The following UBE2L3 variants were observed in gnomAD, a reference collection of about 807,000 sequenced individuals.
UBE2L3 encodes the protein ubiquitin-conjugating enzyme E2 L3.
A neutral mutation model predicts 17.8 loss-of-function variants in UBE2L3; 1 was observed. The observed-to-expected ratio is 0.06, with a 90% CI of 0.02 to 0.27. The LOEUF (loss-of-function observed/expected upper bound fraction) is 0.27. Among genes scored for constraint, UBE2L3 ranks in the 10% least tolerant of loss-of-function variants. UBE2L3 has a pLI of 1.00. For synonymous variants in UBE2L3, 44 were observed against 68.5 expected, an observed-to-expected ratio of 0.64 and a Z score of 1.76; for missense variants, 40 against 192.6, an observed-to-expected ratio of 0.21 and a Z score of 4.69.
chr22:21,595,242 C>T (rs542943191), intron 2 of UBE2L3, among the ~76,000 whole-genome samples: 1 of 152,372 alleles, frequency 6.6e-6, no homozygotes, highest in South Asian at 2.1e-4. Flanking sequence ...GGTCCTCTCC[C>T]TTGCTTTCTT....
At chr22:21,556,621 T>G (rs1263407636) in intron 1 of UBE2L3, among the ~76,000 whole-genome samples, 1 of 141,516 alleles carries the variant, frequency 7.1e-6, no homozygotes, top group East Asian at 1.9e-4. Context: ...TTTCTTTTTT[T>G]TTTTTGTATT....
At chr22:21,594,859 A>C (rs1177559546) in intron 2 of UBE2L3, among the ~76,000 whole-genome samples, 1 of 152,338 alleles carries the variant, frequency 6.6e-6, no homozygotes, top group African/African-American at 2.4e-5. Context: ...TCTACTGAGC[A>C]AAGAAATGAA....
chr22:21,609,713 G>A lies in UBE2L3; in HGVS notation c.124-1144G>A, dbSNP rs5998662. Among the ~76,000 whole-genome samples the A allele has an allele frequency of 6.0e-3, 901 of 151,168 alleles. 6 individuals are homozygous for A. Among genetic ancestry groups the A allele is most frequent in the African/African-American group, 0.021 (844 of 40,938 alleles). ...GCAAGACCCTGTCAAAAATAAATAAGTAAGTATGAAGTGGGGGAAAAACAA... is the reference window on the plus strand; with the variant it reads ...GCAAGACCCTGTCAAAAATAAATAAATAAGTATGAAGTGGGGGAAAAACAA... On this transcript the variant is annotated intron_variant, in intron 2 of 3. Coordinates refer to ENST00000342192, the MANE Select transcript of UBE2L3 (RefSeq NM_003347.4).
At chr22:21,566,075 C>T (rs1385703254), upstream of UBE2L3, among the ~76,000 whole-genome samples, 4 of 150,638 alleles carry the variant, frequency 2.7e-5, no homozygotes, top group African/African-American at 7.3e-5. Flanking sequence ...CAGGTTCAAG[C>T]GATTCTCCTG....
chr22:21,616,752 C>T (rs738129), intron 3 of UBE2L3, among the ~76,000 whole-genome samples: 46,574 of 151,350 alleles, frequency 0.31, 8,267 homozygotes, highest in East Asian at 0.5. Context: ...CACCCCCCCC[C>T]TTTTTTTAAA....
intron 1 of UBE2L3, among the ~76,000 whole-genome samples, chr22:21,571,752 C>T (rs759951870): frequency 6.6e-6 from 1 of 152,152 alleles, no homozygotes; most frequent in Non-Finnish European, 1.5e-5. Flanking sequence ...TATATTTTCT[C>T]CCAGTTCATA....
intron 1 of UBE2L3, among the ~76,000 whole-genome samples, chr22:21,588,400 G>A (rs1928064816): frequency 6.6e-6 from 1 of 151,516 alleles, no homozygotes; most frequent in Admixed American, 6.6e-5. Context: ...GAGTCATCTG[G>A]CCTTTTGAGT....
chr22:21,582,151 A>T (rs922145910), intron 1 of UBE2L3, among the ~76,000 whole-genome samples: 6 of 150,834 alleles, frequency 4.0e-5, no homozygotes, highest in African/African-American at 1.2e-4. Flanking sequence ...AACAAAAAAA[A>T]AAACAGTTCA....
chr22:21,563,890 A>C (rs1329414898), upstream of UBE2L3, among the ~76,000 whole-genome samples: 1 of 151,502 alleles, frequency 6.6e-6, no homozygotes, highest in Admixed American at 6.6e-5. Flanking sequence ...ATTTTTGTAG[A>C]TATGGTAGTC....
At chr22:21,601,162 C>G (rs1010763468) in intron 2 of UBE2L3, among the ~76,000 whole-genome samples, 5 of 152,022 alleles carry the variant, frequency 3.3e-5, no homozygotes, top group Non-Finnish European at 5.9e-5. Flanking sequence ...CAGAGCGAGA[C>G]TCTTTCAAAG....
chr22:21,579,869 T>C (rs1237854350), intron 1 of UBE2L3, among the ~76,000 whole-genome samples: 4 of 152,228 alleles, frequency 2.6e-5, no homozygotes, highest in Non-Finnish European at 4.4e-5. Context: ...TTTACTTTGA[T>C]AGACCAGTTA....
chr22:21,563,985 T>A (rs1926545724), upstream of UBE2L3, among the ~76,000 whole-genome samples: 1 of 151,754 alleles, frequency 6.6e-6, no homozygotes, highest in South Asian at 2.1e-4. Flanking sequence ...GGATTATAGG[T>A]GTGAGACTGT....
chr22:21,562,151 G>A (rs1568966320), intron 1 of UBE2L3, among the ~76,000 whole-genome samples: 1 of 150,118 alleles, frequency 6.7e-6, no homozygotes, highest in Admixed American at 6.6e-5. Flanking sequence ...TCAAGATGCT[G>A]TGAGCTCCTT....
At chr22:21,614,401 G>A (rs1035121761) in intron 3 of UBE2L3, among the ~76,000 whole-genome samples, 3 of 151,398 alleles carry the variant, frequency 2.0e-5, no homozygotes, top group African/African-American at 4.9e-5. Flanking sequence ...ACCAGCCTGA[G>A]GAACATGGTG....
chr22:21,567,830 C>T, intron 1 of UBE2L3, 59 bp downstream of exon 1: 2 of 1,557,808 alleles, frequency 1.3e-6, no homozygotes, highest in Admixed American at 2.0e-5. Context: ...CTCCGGATCC[C>T]CGAGGCAGGC....
At chr22:21,607,121 C>T (rs1384647211) in intron 2 of UBE2L3, among the ~76,000 whole-genome samples, 3 of 152,164 alleles carry the variant, frequency 2.0e-5, no homozygotes, top group African/African-American at 7.2e-5. Flanking sequence ...TGGCGCACGC[C>T]AGCCTTGCTC....
chr22:21,607,197 G>T (rs1929220891), intron 2 of UBE2L3, among the ~76,000 whole-genome samples: 3 of 151,958 alleles, frequency 2.0e-5, no homozygotes. Flanking sequence ...ATGGGGCTGG[G>T]GTGTAGGGCT....
intron 1 of UBE2L3, among the ~76,000 whole-genome samples, chr22:21,589,765 A>G (rs1327854246): frequency 1.3e-5 from 2 of 152,154 alleles, no homozygotes; most frequent in Admixed American, 6.5e-5. Flanking sequence ...CCTTATAATC[A>G]GTTCTTCCTT....
At chr22:21,561,890 C>T (rs1195795460) in intron 1 of UBE2L3, among the ~76,000 whole-genome samples, 1 of 152,162 alleles carries the variant, frequency 6.6e-6, no homozygotes, top group Non-Finnish European at 1.5e-5. Context: ...TGGGCCACTT[C>T]TCCCAGGGCC....
Sources: allele counts gnomAD v4.1 joint callset (sites outside exome capture counted in the v4.1 genomes callset), GRCh38; gene constraint gnomAD v4.1.1; transcripts MANE v1.5; gene names NCBI Gene and HGNC (gene_info 2026-07-23, HGNC 2026-07-21).